Variants in C12orf56 observed in about 807,000 individuals in gnomAD.
The protein encoded by C12orf56 is chromosome 12 open reading frame 56, also known as uncharacterized protein C12orf56.
Under a neutral mutation model 69.9 loss-of-function variants are expected in C12orf56, and 71 were observed. The observed-to-expected ratio is 1.02, with a 90% confidence interval of 0.84 to 1.24. The LOEUF (loss-of-function observed/expected upper bound fraction) is 1.24. Among genes scored for constraint, C12orf56 ranks in the 50% most tolerant of loss-of-function variants. The probability of loss-of-function intolerance (pLI) is 0.00; values close to 1 mark genes in which losing one functional copy is unlikely to be tolerated. For synonymous variants in C12orf56, 276 were observed against 274.1 expected, an observed-to-expected ratio of 1.01 and a Z score of -0.07; for missense variants, 732 against 738.5, an observed-to-expected ratio of 0.99 and a Z score of 0.10.
chr12:64,287,207 G>T (rs1257799524), intron 6 of C12orf56, among the ~76,000 whole-genome samples: 22 of 140,886 alleles, frequency 1.6e-4, no homozygotes, highest in African/African-American at 5.9e-4. Context: ...TTGCGCCACT[G>T]CACTCCAGAC....
At chr12:64,320,574 C>A (rs189692328) in intron 3 of C12orf56, among the ~76,000 whole-genome samples, 2 of 152,160 alleles carry the variant, frequency 1.3e-5, no homozygotes, top group Non-Finnish European at 2.9e-5. Flanking sequence ...TTTACTTTCC[C>A]TATTCTCTCC....
chr12:64,318,648 A>AGT lies in C12orf56; in HGVS notation c.819_820dup (p.Leu274HisfsTer17), dbSNP rs1263777046. ...GGTTGTGGAAATAACATACAAATGA[A>AGT]GTTCTGACTCCTTTTTCTCTAAATT... is the stretch of plus-strand genomic sequence containing the variant. On this transcript the variant is annotated frameshift_variant, in exon 4 of 13. Transcript: ENST00000543942. LOFTEE classifies it high-confidence loss of function. 9.1e-6 allele frequency: 14 copies of AGT among 1,536,856 alleles called. No individual in the cohort carries two copies. Among genetic ancestry groups the AGT allele is most frequent in the Non-Finnish European group, 1.2e-5 (14 of 1,146,658 alleles).
rs1024574636 is a variant in C12orf56, at chr12:64,318,737, A to G, written c.732T>C (p.Asn244=). ...CTAAGTAAAACTCATTTCCATTCCC[A>G]TTGCACTTGAAAGGAATTTCACTTA... The part of the protein sequence containing the change: ...NSISEIPFKC[N]GNGNEFYLGN... Residue 244 remains asparagine (N), a synonymous_variant, in exon 4 of 13, where the codon AAT becomes AAC. Coordinates refer to ENST00000543942, the MANE Select transcript of C12orf56 (RefSeq NM_001170633.2). 2.0e-6 allele frequency: 3 copies of G among 1,535,828 alleles called. No homozygotes were observed. Among genetic ancestry groups the G allele is most frequent in the African/African-American group, 2.8e-5 (2 of 72,370 alleles).
At chr12:64,314,753 G>C (rs1381263624) in intron 4 of C12orf56, among the ~76,000 whole-genome samples, 1 of 151,698 alleles carries the variant, frequency 6.6e-6, no homozygotes, top group African/African-American at 2.4e-5. Flanking sequence ...TCCTGCCTCA[G>C]TCTCCCGAGT....
chr12:64,343,653 G>T (rs2135941351), intron 2 of C12orf56, among the ~76,000 whole-genome samples: 1 of 152,350 alleles, frequency 6.6e-6, no homozygotes, highest in Admixed American at 6.5e-5. Context: ...ATAATCCACT[G>T]TCATTCTCCA....
rs564752829 is a variant in C12orf56, at chr12:64,347,387, G to A, written c.415+5507C>T. On this transcript the variant is annotated intron_variant, in intron 2 of 12. Transcript: ENST00000543942. ...TGCAACCTCAACCTCCTGGGTTCAA[G>A]CAATTCTCCTACCTCAGTCTCCTGA... Among the ~76,000 whole-genome samples, 4 of 150,148 alleles carry A rather than the reference G, an allele frequency of 2.7e-5. No homozygotes were observed. The South Asian group carries it at 8.4e-4, about 32-fold the overall frequency.
intron 2 of C12orf56, 43 bp from the exon 3 acceptor site, chr12:64,331,075 G>T: frequency 7.0e-7 from 1 of 1,429,938 alleles, no homozygotes; most frequent in Non-Finnish European, 9.5e-7. Context: ...TAAATAATTT[G>T]ATTGAAATTA....
At position 64,353,002 on chromosome 12, in the gene C12orf56, T is replaced by C; in HGVS notation, c.307A>G (p.Ile103Val). ...SSPDREISQH[I>V]RIIYSSTVLK... ...ACGGTTGAAGAATAGATGATACGAA[T>C]GTGTTGGCTGATTTCTCTATCTGGC... is the stretch of plus-strand genomic sequence containing the variant. Residue 103 changes from isoleucine (I) to valine (V), a missense_variant, in exon 2 of 13, where the codon ATT (isoleucine) becomes GTT (valine). Coordinates refer to ENST00000543942, the MANE Select transcript of C12orf56 (RefSeq NM_001170633.2). 6.2e-7 allele frequency: 1 copy of C among 1,612,188 alleles called. No homozygotes were observed.
intron 1 of C12orf56, among the ~76,000 whole-genome samples, chr12:64,371,397 CA>C (rs778265682): frequency 2.0e-5 from 3 of 151,562 alleles, no homozygotes; most frequent in Non-Finnish European, 4.4e-5. Context: ...GACCCTGTCT[CA>C]AAAAAACAAA....
At chr12:64,322,620 AC>A (rs1241390558) in intron 3 of C12orf56, among the ~76,000 whole-genome samples, 1 of 152,070 alleles carries the variant, frequency 6.6e-6, no homozygotes, top group Non-Finnish European at 1.5e-5. Flanking sequence ...GGAGTTCAAG[AC>A]CAACCTGGCC....
intron 2 of C12orf56, among the ~76,000 whole-genome samples, chr12:64,336,874 G>A (rs940364231): frequency 6.6e-6 from 1 of 152,076 alleles, no homozygotes; most frequent in Non-Finnish European, 1.5e-5. Flanking sequence ...AATCTTAAGG[G>A]CCGACTTCAT....
At chr12:64,335,582 A>G (rs1249490868) in intron 2 of C12orf56, among the ~76,000 whole-genome samples, 2 of 152,152 alleles carry the variant, frequency 1.3e-5, no homozygotes, top group Non-Finnish European at 2.9e-5. Flanking sequence ...CTGTAATCCA[A>G]GCACTTCACG....
At chr12:64,345,131 C>T (rs2039123510) in intron 2 of C12orf56, among the ~76,000 whole-genome samples, 1 of 152,094 alleles carries the variant, frequency 6.6e-6, no homozygotes, top group South Asian at 2.1e-4. Context: ...TGTAGCACAC[C>T]TCCTTATGGG....
intron 2 of C12orf56, among the ~76,000 whole-genome samples, chr12:64,351,180 A>G (rs1223617265): frequency 2.0e-5 from 3 of 152,192 alleles, no homozygotes; most frequent in Non-Finnish European, 4.4e-5. Flanking sequence ...GCCAAGCCCC[A>G]TGCACCCAAA....
At chr12:64,298,405 T>G (rs1415814503) in intron 6 of C12orf56, among the ~76,000 whole-genome samples, 13 of 152,262 alleles carry the variant, frequency 8.5e-5, no homozygotes, top group African/African-American at 3.1e-4. Flanking sequence ...TTTGTCAATT[T>G]TGGCTTTTGT....
chr12:64,386,181 C>T (rs1378942265), intron 1 of C12orf56, among the ~76,000 whole-genome samples: 1 of 151,996 alleles, frequency 6.6e-6, no homozygotes, highest in African/African-American at 2.4e-5. Flanking sequence ...ACCGACTCTT[C>T]TTCTGCCCCT....
At chr12:64,305,153 C>G (rs1284438644) in intron 5 of C12orf56, among the ~76,000 whole-genome samples, 1 of 151,944 alleles carries the variant, frequency 6.6e-6, no homozygotes, top group African/African-American at 2.4e-5. Context: ...GGTCTCTTTT[C>G]TAGCGGAGAT....
chr12:64,304,335 C>G (rs2038484594), intron 5 of C12orf56, among the ~76,000 whole-genome samples: 1 of 152,152 alleles, frequency 6.6e-6, no homozygotes, highest in African/African-American at 2.4e-5. Context: ...TGAGATCAGC[C>G]TAGCTGGAAA....
rs531777909 is a variant in C12orf56, at chr12:64,321,244, C to CT, written c.489-2265dup. On this transcript the variant is annotated intron_variant, in intron 3 of 12. Coordinates refer to ENST00000543942, the MANE Select transcript of C12orf56 (RefSeq NM_001170633.2). ...ATATTGCCTTCAGTTGATGGTTTAT[C>CT]TTTTTTTTTATTTCAATAATTTTGA... Among the ~76,000 whole-genome samples the CT allele has an allele frequency of 4.6e-5, 7 of 151,638 alleles. No homozygotes were observed. The East Asian group carries it at 7.7e-4, about 17-fold the overall frequency.
Sources: gnomAD v4.1 joint callset for allele counts (sites outside exome capture counted in the v4.1 genomes callset) on GRCh38, gnomAD v4.1.1 for gene constraint, MANE v1.5 for transcripts, NCBI Gene and HGNC (gene_info 2026-07-23, HGNC 2026-07-21) for gene names.